The following TDRD15 variants were observed in gnomAD, a reference collection of about 807,000 sequenced individuals.
TDRD15 encodes the protein tudor domain containing 15.
For synonymous variants in TDRD15, 503 were observed against 314.5 expected, an observed-to-expected ratio of 1.60 and a Z score of -6.34; for missense variants, 1,416 against 904.7, an observed-to-expected ratio of 1.57 and a Z score of -7.25.
intron 2 of TDRD15, among the ~76,000 whole-genome samples, chr2:21,134,479 A>G (rs1665772279): frequency 6.6e-6 from 1 of 151,900 alleles, no homozygotes; most frequent in Admixed American, 6.6e-5. Flanking sequence ...ACTGTTCCAT[A>G]TTTGTGAGCC....
intron 2 of TDRD15, among the ~76,000 whole-genome samples, chr2:21,129,150 T>C (rs1487443313): frequency 2.0e-5 from 3 of 152,118 alleles, no homozygotes; most frequent in Non-Finnish European, 2.9e-5. Flanking sequence ...GTTGATGAAA[T>C]TTGGGTAGTT....
In TDRD15 at chr2:21,142,114, TA is replaced by T. The variant is rs765242264; in HGVS notation, c.4654del (p.Ile1552PhefsTer5). 2.9e-6 allele frequency: 2 copies of T among 679,374 alleles called. No homozygotes were observed. Among genetic ancestry groups the T allele is most frequent in the East Asian group, 5.4e-5 (2 of 36,996 alleles). The allele number at this position is 679,374 out of a possible 1,614,324, so 42.1% of individuals were successfully genotyped here. ...GATTTTATGTGAAGTTATCCAAAAA[TA>T]AAAAAATTTTATCAGATTTAATAGT... is the stretch of plus-strand genomic sequence containing the variant. Reference protein sequence around the residue: ...GRFYVKLSKNKKILSDLIVLI... With the variant: ...GRFYVKLSKNXKILSDLIVLI... On this transcript the variant is annotated frameshift_variant, in exon 4 of 4. Coordinates refer to ENST00000405799, the MANE Select transcript of TDRD15 (RefSeq NM_001306137.2). LOFTEE classifies it low-confidence loss of function (END_TRUNC).
chr2:21,141,315 T>G lies in TDRD15; in HGVS notation c.3848T>G (p.Ile1283Ser). 1.4e-6 allele frequency: 1 copy of G among 715,882 alleles called. No homozygotes were observed. Among genetic ancestry groups the G allele is most frequent in the Non-Finnish European group, 2.6e-6 (1 of 383,916 alleles). The allele number at this position is 715,882 out of a possible 1,614,324, so 44.3% of individuals were successfully genotyped here. A position where few individuals can be genotyped will look rare whatever the true frequency, so the allele number is the denominator to read the frequency against. Residue 1283 changes from isoleucine to serine, a missense_variant, in exon 4 of 4, where the codon ATC becomes AGC. By Grantham distance (142) the Ile-to-Ser change is moderately radical (BLOSUM62 -2). Coordinates refer to ENST00000405799, the MANE Select transcript of TDRD15 (RefSeq NM_001306137.2). Reference protein sequence around the residue: ...QNPYDLIRPQIKDLPQPQIYL... With the variant: ...QNPYDLIRPQSKDLPQPQIYL... ...CCATATGACCTTATTAGGCCACAGA[T>G]CAAAGACCTTCCTCAACCGCAAATT...
In TDRD15 at chr2:21,142,270, T is replaced by G. The variant is rs996409038; in HGVS notation, c.4803T>G (p.Val1601=). The change falls in exon 4 of 4, where the codon GTT becomes GTG. Residue 1601 remains valine (V), a synonymous_variant. Transcript: ENST00000405799. ...GATCAAAAGTAGAAGAAAAGTATGT[T>G]GATGATAAAGTACTTGTTTTTTTAG... ...WHRSKVEEKY[V]DDKVLVFLVD... 2 of 695,178 alleles carry G rather than the reference T, an allele frequency of 2.9e-6. No individual in the cohort carries two copies. The highest frequency in any genetic ancestry group is 5.3e-6 in the Non-Finnish European group (2 of 378,714). 43.1% of individuals were successfully genotyped at this position (695,178 alleles called of 1,614,324 possible). A position where few individuals can be genotyped will look rare whatever the true frequency, so the allele number is the denominator to read the frequency against.
intron 1 of TDRD15, among the ~76,000 whole-genome samples, chr2:21,127,400 A>G (rs1665619259): frequency 6.6e-6 from 1 of 152,120 alleles, no homozygotes; most frequent in South Asian, 2.1e-4. Context: ...CAAGGTACCT[A>G]TGATTTTCTG....
downstream of TDRD15, among the ~76,000 whole-genome samples, chr2:21,146,037 T>C (rs1666024752): frequency 6.6e-6 from 1 of 152,018 alleles, no homozygotes; most frequent in Admixed American, 6.6e-5. Flanking sequence ...TAATGGGTGT[T>C]TAAAGCTCTC....
intron 3 of TDRD15, among the ~76,000 whole-genome samples, chr2:21,136,800 G>C (rs1306489005): frequency 6.6e-6 from 1 of 152,028 alleles, no homozygotes; most frequent in Non-Finnish European, 1.5e-5. Context: ...ATTGTGGCCA[G>C]TCATGCCAGT....
chr2:21,134,124 A>G (rs1051477035), intron 2 of TDRD15, among the ~76,000 whole-genome samples: 5 of 151,890 alleles, frequency 3.3e-5, no homozygotes, highest in African/African-American at 1.2e-4. Context: ...GCCATTATCT[A>G]TAATATATAT....
Position 21,140,571 on chromosome 2 carries a change from C to G in TDRD15, c.3104C>G (p.Pro1035Arg), listed in dbSNP as rs776666502. The change falls in exon 4 of 4, where the codon CCA (proline) becomes CGA (arginine). Residue 1035 changes from proline to arginine, a missense_variant. By Grantham distance (103) the Pro-to-Arg change is moderately radical. Coordinates refer to ENST00000405799, the MANE Select transcript of TDRD15 (RefSeq NM_001306137.2). ...CTCTCATACAGAGCTTTAGCAATACCAACAGATTCATCATCTGAGTTTCAA... is the reference window on the plus strand; with the variant it reads ...CTCTCATACAGAGCTTTAGCAATACGAACAGATTCATCATCTGAGTTTCAA... ...DGLSYRALAI[P>R]TDSSSEFQVY... is the part of the protein sequence containing the mutation. 4.2e-6 allele frequency: 3 copies of G among 711,880 alleles called. No individual in the cohort carries two copies. The highest frequency in any genetic ancestry group is 5.2e-6 in the Non-Finnish European group (2 of 382,454). The allele number at this position is 711,880 out of a possible 1,614,324, so 44.1% of individuals were successfully genotyped here.
In TDRD15 at chr2:21,139,447, A is replaced by G. The variant is rs1305351320; in HGVS notation, c.1980A>G (p.Gly660=). Residue 660 remains glycine (G), a synonymous_variant, in exon 4 of 4, where the codon GGA becomes GGG. Transcript: ENST00000405799. ...IDVISLMLQA[G]YAEYFQVELE... is the part of the protein sequence containing the mutation. ...TTATCTCTCTTATGTTACAAGCTGG[A>G]TATGCAGAATATTTTCAAGTAGAAC... is the stretch of plus-strand genomic sequence containing the variant. 2 of 709,136 alleles carry G rather than the reference A, an allele frequency of 2.8e-6. No individual in the cohort carries two copies. The highest frequency in any genetic ancestry group is 5.2e-6 in the Non-Finnish European group (2 of 382,512). The allele number at this position is 709,136 out of a possible 1,614,324, so 43.9% of individuals were successfully genotyped here.
In TDRD15 at chr2:21,127,320, G is replaced by C. The variant is rs1389369159; in HGVS notation, c.-200-281G>C. On this transcript the variant is annotated intron_variant, in intron 1 of 3. Transcript: ENST00000405799. The stretch of plus-strand genomic sequence containing the variant: ...AAATATTTTAATTTTGATAAACTTT[G>C]ATGTATTGATTTTGTCCCTCTTTAG... 2.0e-5 allele frequency among the ~76,000 whole-genome samples: 3 copies of C among 152,026 alleles called. No individual in the cohort carries two copies. In the East Asian group the frequency reaches 5.8e-4, roughly 29 times the overall value.
rs145653147 is a variant in TDRD15 at position 21,134,295 on chromosome 2, T to A, written c.-89-467T>A. 7.2e-4 allele frequency among the ~76,000 whole-genome samples: 109 copies of A among 152,078 alleles called. 2 individuals are homozygous for A. In the East Asian group the frequency reaches 0.018, roughly 26 times the overall value. On this transcript the variant is annotated intron_variant, in intron 2 of 3. Transcript: ENST00000405799. Reference sequence around the variant, plus strand: ...TTGGGAACTTTGGATTTAAATTTGATTTTTTAAAATATAATTTTTATATAA... The same window carrying A: ...TTGGGAACTTTGGATTTAAATTTGAATTTTTAAAATATAATTTTTATATAA...
In TDRD15 at chr2:21,140,032, G is replaced by A; in HGVS notation, c.2565G>A (p.Leu855=). 1.4e-6 allele frequency: 1 copy of A among 715,736 alleles called. No individual in the cohort carries two copies. The allele number at this position is 715,736 out of a possible 1,614,324, so 44.3% of individuals were successfully genotyped here. A position where few individuals can be genotyped will look rare whatever the true frequency, so the allele number is the denominator to read the frequency against. Residue 855 remains leucine, a synonymous_variant, in exon 4 of 4, where the codon TTG becomes TTA. Transcript: ENST00000405799. ...DLCAINPRFL[L]LESQAFRCCL... is the part of the protein sequence containing the mutation. Reference sequence around the variant, plus strand: ...GTGCAATTAACCCACGTTTTCTCTTGTTAGAAAGCCAAGCCTTCAGATGTT... The same window carrying A: ...GTGCAATTAACCCACGTTTTCTCTTATTAGAAAGCCAAGCCTTCAGATGTT...
At chr2:21,131,102 C>T (rs574562518) in intron 2 of TDRD15, among the ~76,000 whole-genome samples, 45 of 152,244 alleles carry the variant, frequency 3.0e-4, no homozygotes, top group African/African-American at 7.7e-4. Flanking sequence ...AAACAACTGA[C>T]AGTATCTGTC....
Position 21,142,745 on chromosome 2 carries a change from A to G in TDRD15, c.5278A>G (p.Lys1760Glu). Reference sequence around the variant, plus strand: ...GTTAGAAGATTTCTTTGACATAATGAAATACCTTTTTATGTTGCTTTCTGA... The same window carrying G: ...GTTAGAAGATTTCTTTGACATAATGGAATACCTTTTTATGTTGCTTTCTGA... ...IQLEDFFDIMKYLFMLLSDLP... is the reference protein window; with the variant it reads ...IQLEDFFDIMEYLFMLLSDLP... The change falls in exon 4 of 4, where the codon AAA (lysine) becomes GAA (glutamate). Residue 1760 changes from lysine (K) to glutamate (E), a missense_variant. Transcript: ENST00000405799. The G allele has an allele frequency of 1.4e-6, 1 of 713,818 alleles. No homozygotes were observed. Among genetic ancestry groups the G allele is most frequent in the Non-Finnish European group, 2.6e-6 (1 of 383,324 alleles). 44.2% of individuals were successfully genotyped at this position (713,818 alleles called of 1,614,324 possible). A position where few individuals can be genotyped will look rare whatever the true frequency, so the allele number is the denominator to read the frequency against.
At position 21,138,122 on chromosome 2, in the gene TDRD15, A is replaced by T; in HGVS notation, c.655A>T (p.Asn219Tyr). The T allele has an allele frequency of 2.8e-6, 2 of 716,582 alleles. No homozygotes were observed. Among genetic ancestry groups the T allele is most frequent in the South Asian group, 3.0e-5 (2 of 67,564 alleles). 44.4% of individuals were successfully genotyped at this position (716,582 alleles called of 1,614,324 possible). Residue 219 changes from asparagine (N) to tyrosine (Y), a missense_variant, in exon 4 of 4, where the codon AAT becomes TAT. Coordinates refer to ENST00000405799, the MANE Select transcript of TDRD15 (RefSeq NM_001306137.2). ...QHKRPELSLG[N>Y]KDTSLDIQHV... Reference sequence around the variant, plus strand: ...TAAAAGGCCTGAATTGTCATTAGGTAATAAAGATACTTCACTTGATATTCA... The same window carrying T: ...TAAAAGGCCTGAATTGTCATTAGGTTATAAAGATACTTCACTTGATATTCA...
In TDRD15 at chr2:21,141,290, C is replaced by T. The variant is rs568471707; in HGVS notation, c.3823C>T (p.Pro1275Ser). The part of the protein sequence containing the change: ...RALNQTTSQN[P>S]YDLIRPQIKD... ...ATTAAATCAAACAACCTCACAAAACCCATATGACCTTATTAGGCCACAGAT... is the reference window on the plus strand; with the variant it reads ...ATTAAATCAAACAACCTCACAAAACTCATATGACCTTATTAGGCCACAGAT... Residue 1275 changes from proline (P) to serine (S), a missense_variant, in exon 4 of 4, where the codon CCA becomes TCA. Physicochemically the swap from Pro to Ser is moderately conservative, Grantham distance 74. Coordinates refer to ENST00000405799, the MANE Select transcript of TDRD15 (RefSeq NM_001306137.2). 5.6e-6 allele frequency: 4 copies of T among 713,490 alleles called. No individual in the cohort carries two copies. Among genetic ancestry groups the T allele is most frequent in the African/African-American group, 3.5e-5 (2 of 57,084 alleles). The allele number at this position is 713,490 out of a possible 1,614,324, so 44.2% of individuals were successfully genotyped here.
chr2:21,136,589 T>C (rs1411918381), intron 3 of TDRD15, among the ~76,000 whole-genome samples: 1 of 152,014 alleles, frequency 6.6e-6, no homozygotes. Flanking sequence ...TAGAAATAAA[T>C]TAATGCCTGT....
At chr2:21,146,101 G>A (rs1666025648), downstream of TDRD15, among the ~76,000 whole-genome samples, 1 of 151,980 alleles carries the variant, frequency 6.6e-6, no homozygotes, top group African/African-American at 2.4e-5. Flanking sequence ...AGAGAGGACT[G>A]TGGATAACTT....
Sources: gnomAD v4.1 joint callset for allele counts (sites outside exome capture counted in the v4.1 genomes callset) on GRCh38, gnomAD v4.1.1 for gene constraint, MANE v1.5 for transcripts, NCBI Gene and HGNC (gene_info 2026-07-23, HGNC 2026-07-21) for gene names.